Variants in NR6A1 observed in about 807,000 individuals in gnomAD.
NR6A1 encodes retinoic acid receptor-related testis-associated receptor.
A neutral mutation model predicts 59.1 loss-of-function variants in NR6A1; 7 were observed. The observed-to-expected ratio is 0.12, with a 90% confidence interval of 0.07 to 0.22. NR6A1 has a LOEUF of 0.22. NR6A1 is among the 10% of genes least tolerant of loss of function. NR6A1 has a pLI of 1.00. For synonymous variants in NR6A1, 243 were observed against 236.1 expected (o/e 1.03, Z -0.27); for missense variants, 468 against 611.6 (o/e 0.77, Z 2.48).
chr9:124,668,672 G>A (rs1156256696), intron 2 of NR6A1, among the ~76,000 whole-genome samples: 2 of 152,106 alleles, frequency 1.3e-5, no homozygotes, highest in East Asian at 3.8e-4. Flanking sequence ...ATATTTTCAA[G>A]TCATTAAAAA....
intron 1 of NR6A1, among the ~76,000 whole-genome samples, chr9:124,756,060 G>C (rs1840624119): frequency 6.6e-6 from 1 of 152,106 alleles, no homozygotes; most frequent in African/African-American, 2.4e-5. Context: ...GCCCATATTA[G>C]GCTTCCCTTT....
At chr9:124,647,040 C>T (rs939305988) in intron 2 of NR6A1, among the ~76,000 whole-genome samples, 2 of 152,112 alleles carry the variant, frequency 1.3e-5, no homozygotes, top group Non-Finnish European at 2.9e-5. Context: ...TCTGTCTTCC[C>T]AGTAGCTAGG....
intron 1 of NR6A1, among the ~76,000 whole-genome samples, 159 bp downstream of exon 1, chr9:124,770,861 G>T (rs992940310): frequency 6.6e-6 from 1 of 151,824 alleles, no homozygotes; most frequent in African/African-American, 2.4e-5. Flanking sequence ...GAGAGGGAGG[G>T]TCCGCGCCAA....
chr9:124,559,862 T>C (rs1423997774), intron 2 of NR6A1, among the ~76,000 whole-genome samples: 1 of 152,228 alleles, frequency 6.6e-6, no homozygotes, highest in Non-Finnish European at 1.5e-5. Context: ...TTATATAGTA[T>C]CAAAATCTCT....
chr9:124,651,199 A>AGT (rs903402921), intron 2 of NR6A1, among the ~76,000 whole-genome samples: 3 of 152,100 alleles, frequency 2.0e-5, no homozygotes, highest in African/African-American at 7.2e-5. Flanking sequence ...TAGGACTACA[A>AGT]GTGTGTGCCA....
intron 2 of NR6A1, among the ~76,000 whole-genome samples, chr9:124,672,202 CTATTGATGGATA>C (rs1263134847): frequency 6.6e-6 from 1 of 152,156 alleles, no homozygotes; most frequent in Non-Finnish European, 1.5e-5. Flanking sequence ...GTCCATTCTA[CTATTGATGGATA>C]TTTAGTTGTT....
rs570907075 is a variant in NR6A1 at position 124,555,391 on chromosome 9, G to A, written c.143-821C>T. 3.3e-5 allele frequency among the ~76,000 whole-genome samples: 5 copies of A among 152,314 alleles called. No homozygotes were observed. In the South Asian group the frequency reaches 1.0e-3, roughly 32 times the overall value. On this transcript the variant is annotated intron_variant, in intron 2 of 9. Coordinates refer to ENST00000487099, the MANE Select transcript of NR6A1 (RefSeq NM_033334.4). ...TCACCAGGGAAGGTTCCGATCAGAGGCCAAGACAAGAAATCAGATATTTCA... is the reference window on the plus strand; with the variant it reads ...TCACCAGGGAAGGTTCCGATCAGAGACCAAGACAAGAAATCAGATATTTCA...
intron 7 of NR6A1, among the ~76,000 whole-genome samples, chr9:124,528,701 GA>G (rs567639902): frequency 2.2e-5 from 3 of 136,500 alleles, no homozygotes; most frequent in Admixed American, 7.4e-5. Context: ...CCCTGTCTCA[GA>G]AAAAAAAAAT....
intron 1 of NR6A1, among the ~76,000 whole-genome samples, chr9:124,736,889 CAGTACTTGACAA>C (rs1840035543): frequency 6.6e-6 from 1 of 152,114 alleles, no homozygotes; most frequent in Non-Finnish European, 1.5e-5. Flanking sequence ...AGGCTTTGCA[CAGTACTTGACAA>C]AGTAAGACCT....
intron 2 of NR6A1, among the ~76,000 whole-genome samples, chr9:124,580,208 A>C (rs1834721794): frequency 6.6e-6 from 1 of 152,232 alleles, no homozygotes; most frequent in Non-Finnish European, 1.5e-5. Context: ...ATCAACAAAC[A>C]TATAACAGAA....
At chr9:124,550,163 G>T (rs1192422234) in intron 3 of NR6A1, among the ~76,000 whole-genome samples, 2 of 152,124 alleles carry the variant, frequency 1.3e-5, no homozygotes, top group Non-Finnish European at 2.9e-5. Flanking sequence ...TACAATGTTG[G>T]TGTGTTTTAT....
chr9:124,724,085 G>A (rs1165138619), intron 2 of NR6A1, among the ~76,000 whole-genome samples: 1 of 152,204 alleles, frequency 6.6e-6, no homozygotes, highest in African/African-American at 2.4e-5. Flanking sequence ...CTTATTTAAT[G>A]AAATATCCTT....
chr9:124,759,911 G>A (rs1308809762), intron 1 of NR6A1, among the ~76,000 whole-genome samples: 1 of 151,668 alleles, frequency 6.6e-6, no homozygotes, highest in Non-Finnish European at 1.5e-5. Flanking sequence ...GCGATGGTGG[G>A]CACCTATAAT....
chr9:124,722,726 G>T (rs1038503449), intron 2 of NR6A1, among the ~76,000 whole-genome samples: 2 of 152,060 alleles, frequency 1.3e-5, no homozygotes, highest in Admixed American at 6.6e-5. Flanking sequence ...TTTAATTTAC[G>T]TTTTTTCTGA....
At chr9:124,620,674 C>T (rs1359458620) in intron 2 of NR6A1, among the ~76,000 whole-genome samples, 1 of 152,068 alleles carries the variant, frequency 6.6e-6, no homozygotes, top group East Asian at 1.9e-4. Flanking sequence ...AGTAAAAGGG[C>T]AGAAAGGTCC....
intron 2 of NR6A1, among the ~76,000 whole-genome samples, chr9:124,556,082 G>T (rs141556744): frequency 1.6e-4 from 24 of 152,212 alleles, no homozygotes; most frequent in African/African-American, 5.8e-4. Context: ...GAATAACTGC[G>T]ACCCATAGAT....
At chr9:124,651,680 A>G (rs536547441) in intron 2 of NR6A1, among the ~76,000 whole-genome samples, 2 of 152,332 alleles carry the variant, frequency 1.3e-5, no homozygotes, top group South Asian at 4.1e-4. Context: ...TCTACTATAT[A>G]TACGGTTTAC....
At chr9:124,593,263 G>T (rs1475012988) in intron 2 of NR6A1, among the ~76,000 whole-genome samples, 1 of 152,194 alleles carries the variant, frequency 6.6e-6, no homozygotes. Context: ...TAGCTCAGTT[G>T]AAGTTTCGAG....
Position 124,633,326 on chromosome 9 carries a change from C to A in NR6A1, c.143-78756G>T, listed in dbSNP as rs907633590. ...GCTGAGGCAGGAGAATGGCGTGAACCCGGGAGGCGGAGCTTGCAGTGAGTC... is the reference window on the plus strand; with the variant it reads ...GCTGAGGCAGGAGAATGGCGTGAACACGGGAGGCGGAGCTTGCAGTGAGTC... On this transcript the variant is annotated intron_variant, in intron 2 of 9. Coordinates refer to ENST00000487099, the MANE Select transcript of NR6A1 (RefSeq NM_033334.4). Among the ~76,000 whole-genome samples the A allele has an allele frequency of 2.0e-5, 3 of 149,872 alleles. No individual in the cohort carries two copies. The Admixed American group carries it at 2.0e-4, about 10-fold the overall frequency.
Sources: gnomAD v4.1 joint callset for allele counts (sites outside exome capture counted in the v4.1 genomes callset) on GRCh38, gnomAD v4.1.1 for gene constraint, MANE v1.5 for transcripts, NCBI Gene and HGNC (gene_info 2026-07-23, HGNC 2026-07-21) for gene names.